SEC11C: variants seen among roughly 807,000 people sequenced by gnomAD.
SEC11C encodes SEC11 homolog C, signal peptidase complex subunit, also known as signal peptidase complex catalytic subunit SEC11C.
Under a neutral mutation model 21.9 loss-of-function variants are expected in SEC11C, and 10 were observed. The observed-to-expected ratio is 0.46, with a 90% CI of 0.28 to 0.77. SEC11C has a LOEUF of 0.77. Among genes scored for constraint, SEC11C ranks in the 30% least tolerant of loss-of-function variants. The pLI is 0.12. For missense variants in SEC11C, 145 were observed against 244.5 expected (o/e 0.59, Z 2.71); for synonymous variants, 83 against 85.6 (o/e 0.97, Z 0.17).
At chr18:59,148,774 C>T (rs181783879) in intron 1 of SEC11C, among the ~76,000 whole-genome samples, 41 of 152,240 alleles carry the variant, frequency 2.7e-4, no homozygotes, top group African/African-American at 5.3e-4. Flanking sequence ...CCGCCACGCC[C>T]GGCTAATTTT....
rs185113314 is a variant in SEC11C, at chr18:59,153,670, C to T, written c.347+985C>T. Among the ~76,000 whole-genome samples the T allele has an allele frequency of 6.8e-3, 1,041 of 152,184 alleles. 7 individuals carry two copies. The highest frequency in any genetic ancestry group is 0.015 in the South Asian group (70 of 4,818). On this transcript the variant is annotated intron_variant, in intron 3 of 5. Transcript: ENST00000587834. ...GGTTCAAGCGATTCTTCTGCCCCAG[C>T]CTCTCGAGTAGCTGGGACTACAAGC...
intron 1 of SEC11C, chr18:59,147,058 T>TG (rs2069285160): frequency 6.6e-6 from 1 of 152,232 alleles, no homozygotes; most frequent in Non-Finnish European, 1.5e-5. Flanking sequence ...TGCACGCTGA[T>TG]GCTTGCGCTG....
rs368802205 is a variant in SEC11C at position 59,151,179 on chromosome 18, G to A, written c.198-1357G>A. Among the ~76,000 whole-genome samples, 3 of 152,160 alleles carry A rather than the reference G, an allele frequency of 2.0e-5. No homozygotes were observed. In the South Asian group the frequency reaches 6.2e-4, roughly 32 times the overall value. Reference sequence around the variant, plus strand: ...CAACTTCAGGACACCTGTGGCCTCTGCAGTCTGTGCAGGGATCTTTTCCTA... The same window carrying A: ...CAACTTCAGGACACCTGTGGCCTCTACAGTCTGTGCAGGGATCTTTTCCTA... On this transcript the variant is annotated intron_variant, in intron 2 of 5. Transcript: ENST00000587834.
At chr18:59,155,542 C>T in intron 3 of SEC11C, 146 bp from the exon 4 acceptor site, 1 of 702,844 alleles carries the variant, frequency 1.4e-6, no homozygotes, top group Admixed American at 3.1e-5. Context: ...CTTAAGCAGT[C>T]ATCTTAGACT....
chr18:59,150,423 C>T (rs889724669), intron 2 of SEC11C, among the ~76,000 whole-genome samples: 1 of 152,230 alleles, frequency 6.6e-6, no homozygotes, highest in Non-Finnish European at 1.5e-5. Flanking sequence ...GGGCCATAGC[C>T]ATGATCCATG....
chr18:59,158,607 A>G, intron 5 of SEC11C, 25 bp from the exon 6 acceptor site: 2 of 1,608,840 alleles, frequency 1.2e-6, no homozygotes, highest in Admixed American at 3.3e-5. Flanking sequence ...CCTCACAGTG[A>G]TTTTCCATTG....
At chr18:59,149,710 C>G (rs2069324302) in intron 2 of SEC11C, 88 bp downstream of exon 2, 1 of 614,058 alleles carries the variant, frequency 1.6e-6, no homozygotes, top group Non-Finnish European at 2.9e-6. Flanking sequence ...AAGTGAAAAC[C>G]TGCGTGACAG....
chr18:59,145,639 C>T (rs1193383365), intron 1 of SEC11C, among the ~76,000 whole-genome samples: 1 of 152,184 alleles, frequency 6.6e-6, no homozygotes. Context: ...TCTTCATCCT[C>T]AGAGTAGTGG....
intron 1 of SEC11C, among the ~76,000 whole-genome samples, chr18:59,145,581 C>T (rs1215223546): frequency 6.6e-6 from 1 of 152,168 alleles, no homozygotes; most frequent in African/African-American, 2.4e-5. Flanking sequence ...TGAAGCGGGG[C>T]TGCAGGGTTA....
Position 59,148,926 on chromosome 18 carries a change from C to G in SEC11C, c.88-587C>G, listed in dbSNP as rs1278135865. Among the ~76,000 whole-genome samples, 4 of 152,316 alleles carry G rather than the reference C, an allele frequency of 2.6e-5. No homozygotes were observed. In the Middle Eastern group the frequency reaches 0.01, roughly 389 times the overall value. On this transcript the variant is annotated intron_variant, in intron 1 of 5. Transcript: ENST00000587834. ...CACTGTGCCCAGCCCCACCTGTGCT[C>G]TTAACCAAATATTTGTTATTTACCT...
At position 59,152,696 on chromosome 18, in the gene SEC11C, T is replaced by C. The variant is rs1443585964; in HGVS notation, c.347+11T>C. 6.3e-7 allele frequency: 1 copy of C among 1,576,886 alleles called. No homozygotes were observed. The highest frequency in any genetic ancestry group is 1.2e-5 in the South Asian group (1 of 84,002). On this transcript the variant is annotated intron_variant, in intron 3 of 5. Transcript: ENST00000587834. The stretch of plus-strand genomic sequence containing the variant: ...CAAAGTTCATGAAAAGTAAAGAGGC[T>C]TTATTTCCTTTTGGTTTTGTTATGT...
intron 3 of SEC11C, among the ~76,000 whole-genome samples, chr18:59,154,874 T>A (rs932300590): frequency 1.3e-5 from 2 of 152,208 alleles, no homozygotes; most frequent in African/African-American, 4.8e-5. Context: ...TAGACCAGCC[T>A]GGCCAACGTG....
chr18:59,153,587 G>A (rs958256696), intron 3 of SEC11C, among the ~76,000 whole-genome samples: 1 of 152,126 alleles, frequency 6.6e-6, no homozygotes, highest in African/African-American at 2.4e-5. Flanking sequence ...GTCTCACGCT[G>A]TCACCTACGC....
chr18:59,154,140 T>G (rs1281794119), intron 3 of SEC11C, among the ~76,000 whole-genome samples: 1 of 152,220 alleles, frequency 6.6e-6, no homozygotes, highest in Non-Finnish European at 1.5e-5. Flanking sequence ...ACTTGATGCC[T>G]ACCTGTTAGA....
chr18:59,146,929 G>C (rs1290881059), intron 1 of SEC11C: 1 of 152,352 alleles, frequency 6.6e-6, no homozygotes, highest in East Asian at 1.9e-4. Context: ...GTGCAGCCAA[G>C]GTTGAGAACC....
intron 1 of SEC11C, among the ~76,000 whole-genome samples, chr18:59,143,463 T>C (rs376220360): frequency 2.6e-4 from 40 of 152,346 alleles, no homozygotes; most frequent in East Asian, 2.5e-3. Flanking sequence ...AATTCATTTA[T>C]GTCCTCACTT....
intron 5 of SEC11C, 144 bp from the exon 6 acceptor site, chr18:59,158,488 A>G (rs1393034329): frequency 3.0e-6 from 2 of 664,230 alleles, no homozygotes; most frequent in South Asian, 3.9e-5. Flanking sequence ...TGAACAGCTC[A>G]TTTAGAGAAC....
At chr18:59,144,807 G>C (rs1034732533) in intron 1 of SEC11C, among the ~76,000 whole-genome samples, 1 of 149,618 alleles carries the variant, frequency 6.7e-6, no homozygotes, top group Non-Finnish European at 1.5e-5. Flanking sequence ...CAGGATTATT[G>C]GTTTGAACAT....
intron 1 of SEC11C, among the ~76,000 whole-genome samples, chr18:59,148,862 G>A (rs778156200): frequency 2.6e-5 from 4 of 152,008 alleles, no homozygotes; most frequent in Non-Finnish European, 5.9e-5. Context: ...TGATCCACCC[G>A]CCTCGGCCTC....
Sources: gnomAD v4.1 joint callset for allele counts (sites outside exome capture counted in the v4.1 genomes callset) on GRCh38, gnomAD v4.1.1 for gene constraint, MANE v1.5 for transcripts, NCBI Gene and HGNC (gene_info 2026-07-23, HGNC 2026-07-21) for gene names.